Variants in PLSCR2 observed in about 807,000 individuals in gnomAD.
PLSCR2 encodes phospholipid scramblase 2.
A neutral mutation model predicts 25.3 loss-of-function variants in PLSCR2; 18 were observed. The observed-to-expected ratio is 0.71, with a 90% CI of 0.49 to 1.06. The LOEUF is 1.06. Among genes scored for constraint, PLSCR2 ranks in the 50% least tolerant of loss-of-function variants. PLSCR2 has a pLI of 0.00. For missense variants in PLSCR2, 243 were observed against 269.5 expected (o/e 0.90, Z 0.69); for synonymous variants, 88 against 87.3 (o/e 1.01, Z -0.04).
At chr3:146,470,763 T>C (rs2042086644) in intron 1 of PLSCR2, among the ~76,000 whole-genome samples, 1 of 151,938 alleles carries the variant, frequency 6.6e-6, no homozygotes, top group Non-Finnish European at 1.5e-5. Context: ...GAAAATAAGA[T>C]AGAAAAAGGA....
At chr3:146,405,897 A>G (rs996626652) in intron 2 of PLSCR2, among the ~76,000 whole-genome samples, 2 of 152,156 alleles carry the variant, frequency 1.3e-5, no homozygotes, top group Admixed American at 1.3e-4. Context: ...TGGTGGAGGA[A>G]CAGTTAAATC....
At chr3:146,481,904 A>G (rs2043144279) in intron 1 of PLSCR2, among the ~76,000 whole-genome samples, 1 of 152,214 alleles carries the variant, frequency 6.6e-6, no homozygotes, top group Non-Finnish European at 1.5e-5. Flanking sequence ...GGAACAGAAC[A>G]GAGGCTTCAG....
upstream of PLSCR2, among the ~76,000 whole-genome samples, chr3:146,462,679 C>G (rs373051768): frequency 1.1e-4 from 17 of 152,178 alleles, 1 homozygote; most frequent in South Asian, 3.3e-3. Flanking sequence ...GTTGGCCAGG[C>G]TGGTCTTGAA....
At chr3:146,434,930 C>A (rs1462279820) in intron 8 of PLSCR2, among the ~76,000 whole-genome samples, 1 of 123,484 alleles carries the variant, frequency 8.1e-6, no homozygotes, top group Non-Finnish European at 1.6e-5. Context: ...CCTCCCCCCA[C>A]CCCATGACAG....
intron 4 of PLSCR2, among the ~76,000 whole-genome samples, chr3:146,455,018 A>C (rs117376378): frequency 0.011 from 1,725 of 152,244 alleles, 59 homozygotes; most frequent in East Asian, 0.11. Flanking sequence ...CTCATTTCTG[A>C]GCAGTTGCTC....
chr3:146,469,785 C>A (rs567151429), intron 1 of PLSCR2, among the ~76,000 whole-genome samples: 1 of 115,726 alleles, frequency 8.6e-6, no homozygotes, highest in African/African-American at 3.2e-5. Context: ...CACCCACCCC[C>A]CCACGCCGTG....
At chr3:146,492,727 C>A (rs944772063) in intron 1 of PLSCR2, among the ~76,000 whole-genome samples, 1 of 151,576 alleles carries the variant, frequency 6.6e-6, no homozygotes, top group Non-Finnish European at 1.5e-5. Context: ...TAACATCACA[C>A]CTGGAGGAAT....
intron 1 of PLSCR2, among the ~76,000 whole-genome samples, chr3:146,486,756 C>T (rs753258585): frequency 2.6e-4 from 40 of 152,050 alleles, no homozygotes; most frequent in Non-Finnish European, 4.9e-4. Flanking sequence ...GGACTGGTAC[C>T]ATTCGTTCTG....
chr3:146,454,326 T>C (rs956488692), intron 4 of PLSCR2, among the ~76,000 whole-genome samples, 163 bp from the exon 5 acceptor site: 2 of 152,096 alleles, frequency 1.3e-5, no homozygotes, highest in Non-Finnish European at 2.9e-5. Flanking sequence ...TTTAATGTGC[T>C]AGTCAAATTA....
chr3:146,418,273 C>T (rs1446963407), intron 2 of PLSCR2, among the ~76,000 whole-genome samples: 2 of 152,030 alleles, frequency 1.3e-5, no homozygotes, highest in African/African-American at 4.8e-5. Flanking sequence ...TATATAAACC[C>T]CATATCAAAT....
At chr3:146,435,625 T>C (rs1270974898) in intron 8 of PLSCR2, among the ~76,000 whole-genome samples, 1 of 152,206 alleles carries the variant, frequency 6.6e-6, no homozygotes, top group Non-Finnish European at 1.5e-5. Context: ...GATTGTTTGA[T>C]TTTTTCTTGT....
chr3:146,461,707 G>C, upstream of PLSCR2: 1 of 583,760 alleles, frequency 1.7e-6, no homozygotes, highest in Non-Finnish European at 3.1e-6. Flanking sequence ...TAGCATGTTC[G>C]TGAGAGAGGA....
chr3:146,438,654 G>A (rs1396614014), downstream of PLSCR2, among the ~76,000 whole-genome samples: 1 of 151,622 alleles, frequency 6.6e-6, no homozygotes, highest in African/African-American at 2.4e-5. Context: ...CCTTTATTTT[G>A]AGCCTATGTG....
chr3:146,404,352 G>A lies in PLSCR2; in HGVS notation c.101-8431C>T, dbSNP rs188906136. ...AACATATAAGAGAAGGAAGGAAGGG[G>A]TCCAAACTCATCCTTTTATTAGGAA... On this transcript the variant is annotated intron_variant and NMD_transcript_variant, in intron 2 of 3. Transcript: ENST00000463633. Among the ~76,000 whole-genome samples the A allele has an allele frequency of 2.9e-3, 435 of 152,282 alleles. 1 individual carries two copies. Among genetic ancestry groups the A allele is most frequent in the Non-Finnish European group, 5.0e-3 (340 of 68,022 alleles).
intron 2 of PLSCR2, among the ~76,000 whole-genome samples, chr3:146,424,818 G>T (rs779804754): frequency 6.6e-6 from 1 of 151,960 alleles, no homozygotes; most frequent in Non-Finnish European, 1.5e-5. Flanking sequence ...ATCAGTTTGA[G>T]TGCACAGTGG....
chr3:146,460,100 T>C lies in PLSCR2; in HGVS notation c.-179-17A>G, dbSNP rs772729755. 22 of 1,479,158 alleles carry C rather than the reference T, an allele frequency of 1.5e-5. No individual in the cohort carries two copies. Among genetic ancestry groups the C allele is most frequent in the South Asian group, 6.4e-5 (5 of 77,724 alleles). 91.6% of individuals were successfully genotyped at this position (1,479,158 alleles called of 1,614,324 possible). On this transcript the variant is annotated splice_polypyrimidine_tract_variant and intron_variant, in intron 1 of 6. Coordinates refer to ENST00000610787, the Ensembl canonical transcript of PLSCR2. The stretch of plus-strand genomic sequence containing the variant: ...CGGGAGGTCCTGAAATAGGAGCAAG[T>C]AAAATAATTTGTAGCTGCCCAGAAA...
chr3:146,397,482 T>C (rs2038314103), intron 2 of PLSCR2, among the ~76,000 whole-genome samples: 1 of 152,122 alleles, frequency 6.6e-6, no homozygotes, highest in Non-Finnish European at 1.5e-5. Flanking sequence ...CTCTTATTCA[T>C]AGCCAAAAGT....
At chr3:146,399,804 C>CTG (rs2038400591) in intron 2 of PLSCR2, among the ~76,000 whole-genome samples, 1 of 150,160 alleles carries the variant, frequency 6.7e-6, no homozygotes. Flanking sequence ...CTCCTTCCTT[C>CTG]CTTCTTTCCT....
intron 2 of PLSCR2, among the ~76,000 whole-genome samples, chr3:146,405,847 C>A (rs1403246057): frequency 2.0e-5 from 3 of 152,002 alleles, no homozygotes; most frequent in African/African-American, 7.2e-5. Context: ...CTAGATTTTT[C>A]TCGCACCTTT....
Sources: gnomAD v4.1 joint callset for allele counts (sites outside exome capture counted in the v4.1 genomes callset) on GRCh38, gnomAD v4.1.1 for gene constraint, MANE v1.5 for transcripts, NCBI Gene and HGNC (gene_info 2026-07-23, HGNC 2026-07-21) for gene names.